Variants in CCDC73 observed in about 807,000 individuals in gnomAD.
CCDC73 encodes the protein coiled-coil domain-containing protein 73.
Under a neutral mutation model 116.5 loss-of-function variants are expected in CCDC73, and 95 were observed. That is an observed-to-expected ratio of 0.82 (90% CI 0.69 to 0.97). CCDC73 has a LOEUF of 0.97. Ranked by LOEUF, CCDC73 falls within the 50% of genes least tolerant of loss-of-function variation. The probability of loss-of-function intolerance (pLI) is 0.00; values close to 1 mark genes in which losing one functional copy is unlikely to be tolerated. For synonymous variants in CCDC73, 398 were observed against 401.3 expected (o/e 0.99, Z 0.10); for missense variants, 1,066 against 1,206.8 (o/e 0.88, Z 1.73).
chr11:32,809,188 C>A, the CCDC73 span, among the ~76,000 whole-genome samples: 2 of 152,160 alleles, frequency 1.3e-5, no homozygotes, highest in Non-Finnish European at 2.9e-5. Context: ...AAATATGATG[C>A]CTTCAACAGA....
intron 6 of CCDC73, among the ~76,000 whole-genome samples, chr11:32,698,010 A>ATTTT (rs1849771437): frequency 3.4e-5 from 4 of 117,742 alleles, no homozygotes; most frequent in African/African-American, 1.0e-4. Flanking sequence ...TCTAACACTG[A>ATTTT]ATTTTTTTTT....
chr11:32,815,078 A>G, the CCDC73 span, among the ~76,000 whole-genome samples: 1 of 152,212 alleles, frequency 6.6e-6, no homozygotes, highest in Non-Finnish European at 1.5e-5. Context: ...TATATTTTGA[A>G]TGTGACAAAA....
At chr11:32,763,114 T>C (rs1441780357) in intron 1 of CCDC73, among the ~76,000 whole-genome samples, 1 of 152,190 alleles carries the variant, frequency 6.6e-6, no homozygotes, top group Non-Finnish European at 1.5e-5. Context: ...CCAAACTGGG[T>C]GGAGCCCACC....
intron 14 of CCDC73, among the ~76,000 whole-genome samples, chr11:32,618,334 G>A (rs1227752974): frequency 6.6e-6 from 1 of 152,104 alleles, no homozygotes; most frequent in East Asian, 1.9e-4. Flanking sequence ...GTGCTGCAAT[G>A]AACATAAAAG....
At chr11:32,756,641 A>G (rs539952508) in intron 2 of CCDC73, among the ~76,000 whole-genome samples, 6 of 151,778 alleles carry the variant, frequency 4.0e-5, no homozygotes, top group Non-Finnish European at 7.4e-5. Context: ...TAACTGAAGA[A>G]TATCTGTAGT....
chr11:32,827,154 G>C, the CCDC73 span, among the ~76,000 whole-genome samples: 1 of 152,044 alleles, frequency 6.6e-6, no homozygotes, highest in African/African-American at 2.4e-5. Flanking sequence ...GTGAGCCACC[G>C]TGCCCGACCA....
At chr11:32,818,868 T>C in the CCDC73 span, among the ~76,000 whole-genome samples, 7 of 152,242 alleles carry the variant, frequency 4.6e-5, no homozygotes, top group Admixed American at 2.0e-4. Context: ...GGCAAATCCA[T>C]AGAGACAGAA....
chr11:32,709,840 T>C (rs1197790287), intron 3 of CCDC73, among the ~76,000 whole-genome samples: 1 of 152,200 alleles, frequency 6.6e-6, no homozygotes, highest in Non-Finnish European at 1.5e-5. Flanking sequence ...GTCCTAGACA[T>C]TTTTTGTTGA....
intron 4 of CCDC73, among the ~76,000 whole-genome samples, 175 bp downstream of exon 4, chr11:32,702,698 C>T (rs562150724): frequency 6.6e-6 from 1 of 152,314 alleles, no homozygotes; most frequent in South Asian, 2.1e-4. Flanking sequence ...TACTACTTTA[C>T]ATTCTATTGT....
intron 17 of CCDC73, among the ~76,000 whole-genome samples, chr11:32,610,543 T>G (rs1003200951): frequency 3.9e-5 from 6 of 152,256 alleles, no homozygotes; most frequent in Non-Finnish European, 8.8e-5. Flanking sequence ...TTCTATACAC[T>G]ATGATATAAA....
chr11:32,796,910 G>A (rs1477827363), upstream of CCDC73, among the ~76,000 whole-genome samples: 3 of 150,576 alleles, frequency 2.0e-5, no homozygotes, highest in Non-Finnish European at 4.4e-5. Context: ...TGCTCCGGAC[G>A]CTGAGGCGTA....
chr11:32,608,042 T>A lies in CCDC73; in HGVS notation c.3030+3090A>T, dbSNP rs1855378532. Among the ~76,000 whole-genome samples the A allele has an allele frequency of 2.0e-5, 3 of 152,056 alleles. No individual in the cohort carries two copies. In the South Asian group the frequency reaches 6.2e-4, roughly 32 times the overall value. On this transcript the variant is annotated intron_variant, in intron 17 of 17. Transcript: ENST00000335185. ...AGACCGGCCCCCCCCACGATTCTAT[T>A]ACCTCCCACCAGGTTCCTCCCACAA...
intron 13 of CCDC73, among the ~76,000 whole-genome samples, chr11:32,637,649 TAC>T (rs1554962283): frequency 3.3e-5 from 5 of 150,144 alleles, no homozygotes; most frequent in Admixed American, 6.7e-5. Context: ...CTCTCTCTCT[TAC>T]ACACACACAC....
chr11:32,811,403 T>C, the CCDC73 span, among the ~76,000 whole-genome samples: 1 of 152,226 alleles, frequency 6.6e-6, no homozygotes, highest in Admixed American at 6.5e-5. Context: ...CAATATTTCA[T>C]TTGTTAAGAA....
chr11:32,635,814 C>A lies in CCDC73; in HGVS notation c.1067G>T (p.Gly356Val), dbSNP rs750761835. ...TTCATTTTTAATCTTATTAATTTCT[C>A]CATTAAGTTCTTCAGCCTATTATAA... ...TWKRHAEELN[G>V]EINKIKNELS... Residue 356 changes from glycine (G) to valine (V), a missense_variant, in exon 14 of 18, where the codon GGA becomes GTA. Physicochemically the swap from Gly to Val is moderately radical, Grantham distance 109. Coordinates refer to ENST00000335185, the MANE Select transcript of CCDC73 (RefSeq NM_001008391.4). 4 of 1,187,664 alleles carry A rather than the reference C, an allele frequency of 3.4e-6. No homozygotes were observed. The South Asian group carries it at 1.3e-4, about 37-fold the overall frequency. 73.6% of individuals were successfully genotyped at this position (1,187,664 alleles called of 1,614,324 possible).
rs192295095 is a variant in CCDC73 at position 32,675,974 on chromosome 11, C to T, written c.477G>A (p.Lys159=). Residue 159 remains lysine (K), a synonymous_variant, in exon 8 of 18, where the codon AAG becomes AAA. Coordinates refer to ENST00000335185, the MANE Select transcript of CCDC73 (RefSeq NM_001008391.4). ...AATATTTCTCAATTTCACTCAGTTG[C>T]TTATGATAGTCTTCTTTAGCCAGAA... ...LHLLAKEDYH[K]QLSEIEKYYA... 24 of 1,608,596 alleles carry T rather than the reference C, an allele frequency of 1.5e-5. No individual in the cohort carries two copies. In the East Asian group the frequency reaches 4.9e-4, roughly 33 times the overall value.
At chr11:32,693,834 T>G (rs1443156658) in intron 6 of CCDC73, among the ~76,000 whole-genome samples, 1 of 152,246 alleles carries the variant, frequency 6.6e-6, no homozygotes, top group Non-Finnish European at 1.5e-5. Flanking sequence ...TCTCAATAGA[T>G]GCAGAAAAGG....
the CCDC73 span, among the ~76,000 whole-genome samples, chr11:32,828,711 G>C: frequency 6.6e-6 from 1 of 152,086 alleles, no homozygotes; most frequent in African/African-American, 2.4e-5. Context: ...AGTTTTTGAA[G>C]TCTTTAATCA....
At chr11:32,706,012 GAA>G (rs3078271) in intron 3 of CCDC73, among the ~76,000 whole-genome samples, 27 of 135,450 alleles carry the variant, frequency 2.0e-4, no homozygotes, top group Non-Finnish European at 3.1e-4. Flanking sequence ...TATATCAGCT[GAA>G]AAAAAAAAAA....
Sources: gnomAD v4.1 joint callset for allele counts (sites outside exome capture counted in the v4.1 genomes callset) on GRCh38, gnomAD v4.1.1 for gene constraint, MANE v1.5 for transcripts, NCBI Gene and HGNC (gene_info 2026-07-23, HGNC 2026-07-21) for gene names.